Variants in AKT3 observed in about 807,000 individuals in gnomAD.
AKT3 encodes the protein AKT serine/threonine kinase 3, also known as RAC-gamma serine/threonine-protein kinase.
AKT3 carries 15 observed loss-of-function variants against 65.3 expected under a neutral mutation model. The observed-to-expected ratio is 0.23, with a 90% CI of 0.15 to 0.35. AKT3 has a LOEUF of 0.35. AKT3 is among the 10% of genes least tolerant of loss of function. The pLI, the probability that AKT3 is intolerant of heterozygous loss-of-function variation, is 1.00. For missense variants in AKT3, 243 were observed against 576.5 expected (o/e 0.42, Z 5.92); for synonymous variants, 206 against 183.8 (o/e 1.12, Z -0.98).
rs577416381 is a variant in AKT3, at chr1:243,500,089, A to AGACTT, written c.*5155_*5159dup. The AGACTT allele has an allele frequency of 3.4e-3, 1,392 of 414,442 alleles. 11 individuals carry two copies. The highest frequency in any genetic ancestry group is 0.012 in the South Asian group (237 of 20,224). 25.7% of individuals were successfully genotyped at this position (414,442 alleles called of 1,614,324 possible). ...GATTTTCAATAAATGAACTTTTTAA[A>AGACTT]GACTTGAGTTGTAATGTTTCCTTTT... is the stretch of plus-strand genomic sequence containing the variant. On this transcript the variant is annotated 3_prime_UTR_variant, in exon 14 of 14. Coordinates refer to ENST00000673466, the MANE Select transcript of AKT3 (RefSeq NM_005465.7).
At chr1:243,818,877 A>G (rs1021176009) in intron 2 of AKT3, among the ~76,000 whole-genome samples, 4 of 152,064 alleles carry the variant, frequency 2.6e-5, no homozygotes, top group African/African-American at 9.7e-5. Context: ...GAGAGTGAGG[A>G]AAAGAAGGGT....
At chr1:243,715,802 G>A (rs952722420) in intron 2 of AKT3, among the ~76,000 whole-genome samples, 3 of 151,966 alleles carry the variant, frequency 2.0e-5, no homozygotes, top group Admixed American at 6.5e-5. Flanking sequence ...ATTCTTAGTG[G>A]AGAAAAAAAA....
At chr1:243,734,426 AC>A (rs1687731472) in intron 2 of AKT3, among the ~76,000 whole-genome samples, 1 of 152,316 alleles carries the variant, frequency 6.6e-6, no homozygotes, top group East Asian at 1.9e-4. Context: ...TCATAGAAAC[AC>A]CTAGTTTTTA....
At chr1:243,825,929 C>T (rs970917802) in intron 2 of AKT3, among the ~76,000 whole-genome samples, 1 of 151,990 alleles carries the variant, frequency 6.6e-6, no homozygotes, top group Non-Finnish European at 1.5e-5. Context: ...GTCAAGAGTT[C>T]GAGGTCAGCC....
intron 2 of AKT3, among the ~76,000 whole-genome samples, chr1:243,809,602 C>G (rs928894367): frequency 3.9e-5 from 6 of 152,190 alleles, no homozygotes; most frequent in African/African-American, 1.4e-4. Flanking sequence ...TAACACCCCA[C>G]TGTCAACATT....
chr1:243,563,887 C>A, intron 9 of AKT3, 39 bp from the exon 10 acceptor site: 1 of 1,560,026 alleles, frequency 6.4e-7, no homozygotes, highest in South Asian at 1.2e-5. Context: ...GTTCTATAGT[C>A]TTCAACAACA....
At chr1:243,491,959 A>G (rs1458575968) in intron 13 of AKT3, among the ~76,000 whole-genome samples, 1 of 152,118 alleles carries the variant, frequency 6.6e-6, no homozygotes. Context: ...CCCAGAAGAG[A>G]ATGGGTCGGG....
chr1:243,553,745 C>G (rs1673229629), intron 10 of AKT3, among the ~76,000 whole-genome samples: 1 of 152,114 alleles, frequency 6.6e-6, no homozygotes, highest in Non-Finnish European at 1.5e-5. Flanking sequence ...CTGGAGCAAC[C>G]TGTTCAAATG....
chr1:243,845,265 C>T (rs796960784), intron 1 of AKT3, among the ~76,000 whole-genome samples: 21 of 150,938 alleles, frequency 1.4e-4, no homozygotes, highest in African/African-American at 5.1e-4. Flanking sequence ...AGGTCACAGG[C>T]AGAACCTATA....
chr1:243,792,533 T>A (rs1230130309), intron 2 of AKT3, among the ~76,000 whole-genome samples: 2 of 152,096 alleles, frequency 1.3e-5, no homozygotes, highest in Non-Finnish European at 2.9e-5. Flanking sequence ...CCTTTGGCAG[T>A]GATAATTAAG....
At chr1:243,512,088 C>T (rs1670048725) in intron 13 of AKT3, among the ~76,000 whole-genome samples, 1 of 152,206 alleles carries the variant, frequency 6.6e-6, no homozygotes, top group South Asian at 2.1e-4. Flanking sequence ...TACAATTTCT[C>T]TCTATATAAT....
At chr1:243,818,759 C>T (rs1693681140) in intron 2 of AKT3, among the ~76,000 whole-genome samples, 2 of 150,320 alleles carry the variant, frequency 1.3e-5, no homozygotes, top group Admixed American at 1.3e-4. Context: ...ATCGCTGTGG[C>T]CAGAGGCTCC....
At chr1:243,618,004 A>G (rs1678458132) in intron 6 of AKT3, among the ~76,000 whole-genome samples, 1 of 152,196 alleles carries the variant, frequency 6.6e-6, no homozygotes, top group African/African-American at 2.4e-5. Flanking sequence ...AAATTAGGAA[A>G]AGACTAGAGA....
intron 6 of AKT3, among the ~76,000 whole-genome samples, chr1:243,637,400 A>C (rs1680053028): frequency 6.6e-6 from 1 of 152,108 alleles, no homozygotes; most frequent in African/African-American, 2.4e-5. Context: ...TTAAGAGAAT[A>C]GCTTTAGTAT....
intron 4 of AKT3, among the ~76,000 whole-genome samples, chr1:243,647,221 A>T (rs1159458019): frequency 6.6e-6 from 1 of 152,220 alleles, no homozygotes; most frequent in Admixed American, 6.5e-5. Context: ...TCAGTCAATG[A>T]TGGACTGCAT....
At chr1:243,741,090 T>C (rs1688125828) in intron 2 of AKT3, among the ~76,000 whole-genome samples, 1 of 152,202 alleles carries the variant, frequency 6.6e-6, no homozygotes, top group African/African-American at 2.4e-5. Flanking sequence ...CTTCATCACA[T>C]ATATAACTGT....
chr1:243,583,166 G>GTATATATATATATATA (rs1479928964), intron 8 of AKT3, among the ~76,000 whole-genome samples: 1 of 85,814 alleles, frequency 1.2e-5, no homozygotes, highest in African/African-American at 4.2e-5. Flanking sequence ...ATGTATATGT[G>GTATATATATATATATA]TGTGTATATA....
chr1:243,614,767 A>T (rs568247699), intron 7 of AKT3, among the ~76,000 whole-genome samples: 1 of 152,304 alleles, frequency 6.6e-6, no homozygotes, highest in South Asian at 2.1e-4. Context: ...AGAAATTTTT[A>T]AAAATCAGCC....
At chr1:243,490,669 G>A (rs1298450561) in intron 13 of AKT3, among the ~76,000 whole-genome samples, 4 of 152,328 alleles carry the variant, frequency 2.6e-5, no homozygotes, top group Admixed American at 6.5e-5. Context: ...GATGCCCCAC[G>A]GGCCCTTGGG....
Sources: allele counts gnomAD v4.1 joint callset (sites outside exome capture counted in the v4.1 genomes callset), GRCh38; gene constraint gnomAD v4.1.1; transcripts MANE v1.5; gene names NCBI Gene and HGNC (gene_info 2026-07-23, HGNC 2026-07-21).